The following LRPPRC variants were observed in gnomAD, a reference collection of about 807,000 sequenced individuals.
LRPPRC encodes leucine rich pentatricopeptide repeat containing, also known as leucine-rich PPR motif-containing protein, mitochondrial.
LRPPRC carries 120 observed loss-of-function variants against 180.3 expected under a neutral mutation model. That is an observed-to-expected ratio of 0.67 (90% CI 0.57 to 0.77). LRPPRC has a LOEUF of 0.77. Ranked by LOEUF, LRPPRC falls within the 30% of genes least tolerant of loss-of-function variation. The probability of loss-of-function intolerance (pLI) is 0.00; values close to 1 mark genes in which losing one functional copy is unlikely to be tolerated. For synonymous variants in LRPPRC, 723 were observed against 600.0 expected, an observed-to-expected ratio of 1.21 and a Z score of -3.00; for missense variants, 2,012 against 1,657.2, an observed-to-expected ratio of 1.21 and a Z score of -3.72.
chr2:43,949,174 T>C (rs1672805960), intron 16 of LRPPRC, among the ~76,000 whole-genome samples: 2 of 152,196 alleles, frequency 1.3e-5, no homozygotes, highest in African/African-American at 2.4e-5. Flanking sequence ...AGCTTCATTA[T>C]ATGAAAAATG....
intron 27 of LRPPRC, among the ~76,000 whole-genome samples, chr2:43,924,433 G>C (rs10205130): frequency 0.52 from 78,849 of 151,964 alleles, 22,162 homozygotes; most frequent in East Asian, 0.96. Flanking sequence ...GAAGATTAAG[G>C]CACAAAAATG....
intron 29 of LRPPRC, 38 bp downstream of exon 29, chr2:43,917,987 A>AC (rs771562715): frequency 6.6e-5 from 63 of 950,862 alleles, no homozygotes; most frequent in South Asian, 4.1e-4. Flanking sequence ...AAAGAAGACC[A>AC]CCCCCCCACA....
intron 14 of LRPPRC, among the ~76,000 whole-genome samples, chr2:43,955,650 G>C (rs1673082121): frequency 1.3e-5 from 2 of 152,172 alleles, no homozygotes; most frequent in Admixed American, 6.5e-5. Flanking sequence ...TACGATGGGA[G>C]GATCGCTTGA....
In LRPPRC at chr2:43,912,509, A is replaced by T; in HGVS notation, c.3198T>A (p.Asn1066Lys). 6.2e-7 allele frequency: 1 copy of T among 1,603,130 alleles called. No individual in the cohort carries two copies. Among genetic ancestry groups the T allele is most frequent in the South Asian group, 1.1e-5 (1 of 90,854 alleles). Residue 1066 changes from asparagine (N) to lysine (K), a missense_variant, in exon 30 of 38, where the codon AAT (asparagine) becomes AAA (lysine). Coordinates refer to ENST00000260665, the MANE Select transcript of LRPPRC (RefSeq NM_133259.4). ...LNAKEQNIVF[N>K]AETYSNLIKL... ...TAATGAGATTGCTGTAGGTTTCAGC[A>T]TTAAACACAATGTTTTGCTCTTTTG...
At chr2:43,925,819 T>C (rs1182225280) in intron 26 of LRPPRC, 74 bp downstream of exon 26, 3 of 960,760 alleles carry the variant, frequency 3.1e-6, no homozygotes, top group Non-Finnish European at 5.1e-6. Flanking sequence ...TCCCCAAATC[T>C]TCATGTGATA....
chr2:43,912,030 C>T (rs1671281090), intron 30 of LRPPRC, among the ~76,000 whole-genome samples: 1 of 152,126 alleles, frequency 6.6e-6, no homozygotes, highest in Non-Finnish European at 1.5e-5. Flanking sequence ...CCCAAGGTCA[C>T]AGAACTTTTA....
chr2:43,888,870 G>C lies in LRPPRC; in HGVS notation c.4129-214C>G, dbSNP rs1238161949. On this transcript the variant is annotated intron_variant, in intron 37 of 37. Transcript: ENST00000260665. ...GTTAAAGCTAGCAGCAGGAGGTAGG[G>C]TGCGTGTGTGTATACGTGTGTATGT... 2.6e-5 allele frequency among the ~76,000 whole-genome samples: 4 copies of C among 151,186 alleles called. No individual in the cohort carries two copies. In the East Asian group the frequency reaches 7.7e-4, roughly 29 times the overall value.
rs1670348137 is a variant in LRPPRC, at chr2:43,888,418, A to C, written c.*182T>G. ...ACTATCGATTTTTCCCAGAGAAAAA[A>C]ACTCCAAAAATGTCCAATAACCAAG... On this transcript the variant is annotated 3_prime_UTR_variant, in exon 38 of 38. Coordinates refer to ENST00000260665, the MANE Select transcript of LRPPRC (RefSeq NM_133259.4). 2 of 537,022 alleles carry C rather than the reference A, an allele frequency of 3.7e-6. No homozygotes were observed. Among genetic ancestry groups the C allele is most frequent in the Admixed American group, 3.1e-5 (1 of 32,178 alleles). 33.3% of individuals were successfully genotyped at this position (537,022 alleles called of 1,614,324 possible). A position where few individuals can be genotyped will look rare whatever the true frequency, so the allele number is the denominator to read the frequency against.
chr2:43,954,201 T>G (rs555107413), intron 14 of LRPPRC, among the ~76,000 whole-genome samples: 1 of 152,184 alleles, frequency 6.6e-6, no homozygotes, highest in East Asian at 1.9e-4. Flanking sequence ...AAAAACATAT[T>G]TCACATGTGA....
At chr2:43,986,965 G>T (rs974568140) in intron 1 of LRPPRC, among the ~76,000 whole-genome samples, 4 of 152,112 alleles carry the variant, frequency 2.6e-5, no homozygotes, top group African/African-American at 9.7e-5. Context: ...TAGAAAATGG[G>T]GAACTCAAAT....
At chr2:43,892,642 G>A (rs534756714) in intron 36 of LRPPRC, 8 of 152,258 alleles carry the variant, frequency 5.3e-5, no homozygotes, top group Admixed American at 3.9e-4. Flanking sequence ...CCATTCTGCA[G>A]CCCATAGATC....
intron 14 of LRPPRC, among the ~76,000 whole-genome samples, chr2:43,951,091 A>G (rs1253355429): frequency 6.6e-6 from 1 of 152,206 alleles, no homozygotes; most frequent in East Asian, 1.9e-4. Context: ...ATTGCTTGTT[A>G]CTTGTAATGG....
intron 1 of LRPPRC, among the ~76,000 whole-genome samples, chr2:43,990,126 G>A (rs1674705856): frequency 6.6e-6 from 1 of 152,148 alleles, no homozygotes; most frequent in South Asian, 2.1e-4. Context: ...GGCTGAGGTG[G>A]GAGAATCGCT....
intron 3 of LRPPRC, 121 bp from the exon 4 acceptor site, chr2:43,977,397 C>A: frequency 1.3e-6 from 1 of 762,586 alleles, no homozygotes; most frequent in Admixed American, 2.0e-5. Context: ...ACCCATCCAT[C>A]TTGGCGCTCA....
At chr2:43,923,035 C>T (rs1034455444) in intron 27 of LRPPRC, among the ~76,000 whole-genome samples, 7 of 151,978 alleles carry the variant, frequency 4.6e-5, no homozygotes, top group Middle Eastern at 3.4e-3. Context: ...TCAAATACAA[C>T]GCAAGAAGGA....
intron 1 of LRPPRC, among the ~76,000 whole-genome samples, chr2:43,992,829 G>A (rs545407498): frequency 1.3e-5 from 2 of 152,288 alleles, no homozygotes; most frequent in South Asian, 4.1e-4. Context: ...TTTGAGCTGT[G>A]TTGGCTCTGA....
At position 43,974,599 on chromosome 2, in the gene LRPPRC, T is replaced by C. The variant is rs572849791; in HGVS notation, c.1009+15A>G. 1 of 1,511,568 alleles carries C rather than the reference T, an allele frequency of 6.6e-7. No homozygotes were observed. The highest frequency in any genetic ancestry group is 9.1e-7 in the Non-Finnish European group (1 of 1,092,960). 93.6% of individuals were successfully genotyped at this position (1,511,568 alleles called of 1,614,324 possible). A position where few individuals can be genotyped will look rare whatever the true frequency, so the allele number is the denominator to read the frequency against. On this transcript the variant is annotated intron_variant, in intron 8 of 37. Coordinates refer to ENST00000260665, the MANE Select transcript of LRPPRC (RefSeq NM_133259.4). ...TTTTTATAAAAATCATGTAAATAGATTTTTTTAAAACTACCTGGAATATAT... is the reference window on the plus strand; with the variant it reads ...TTTTTATAAAAATCATGTAAATAGACTTTTTTAAAACTACCTGGAATATAT...
intron 30 of LRPPRC, among the ~76,000 whole-genome samples, chr2:43,909,138 G>C (rs915766091): frequency 6.6e-6 from 1 of 152,172 alleles, no homozygotes; most frequent in African/African-American, 2.4e-5. Context: ...TGGATAATTC[G>C]TAACTTGAAC....
chr2:43,947,995 C>T (rs1672755078), intron 18 of LRPPRC, 127 bp downstream of exon 18: 5 of 703,242 alleles, frequency 7.1e-6, no homozygotes, highest in Admixed American at 4.6e-5. Context: ...TGAAAAGCTT[C>T]GTTTTAATGG....
Sources: gnomAD v4.1 joint callset for allele counts (sites outside exome capture counted in the v4.1 genomes callset) on GRCh38, gnomAD v4.1.1 for gene constraint, MANE v1.5 for transcripts, NCBI Gene and HGNC (gene_info 2026-07-23, HGNC 2026-07-21) for gene names.